Variants in FAM53A observed in about 807,000 individuals in gnomAD.
FAM53A encodes the protein protein FAM53A.
Under a neutral mutation model 26.6 loss-of-function variants are expected in FAM53A, and 28 were observed. That is an observed-to-expected ratio of 1.05 (90% CI 0.78 to 1.45). The LOEUF (loss-of-function observed/expected upper bound fraction) is 1.45, where lower values mean the gene tolerates loss of function less well. Ranked by LOEUF, FAM53A falls within the 40% of genes most tolerant of loss-of-function variation. FAM53A has a pLI of 0.00. For synonymous variants in FAM53A, 290 were observed against 253.1 expected (o/e 1.15, Z -1.38); for missense variants, 650 against 575.8 (o/e 1.13, Z -1.32).
Position 1,640,794 on chromosome 4 carries a change from A to G in FAM53A, c.*499T>C, listed in dbSNP as rs1252420030. On this transcript the variant is annotated 3_prime_UTR_variant, in exon 5 of 5. Transcript: ENST00000308132. ...TGGCAGCCATGGCCCCGACCAGCTC[A>G]CAGGAAACCTACTCTGTGCCCCGGG... 2.3e-5 allele frequency: 9 copies of G among 393,664 alleles called. No homozygotes were observed. Among genetic ancestry groups the G allele is most frequent in the Non-Finnish European group, 4.4e-5 (9 of 206,270 alleles). 24.4% of individuals were successfully genotyped at this position (393,664 alleles called of 1,614,324 possible).
At chr4:1,586,797 AAG>A in the FAM53A span, among the ~76,000 whole-genome samples, 2,703 of 150,484 alleles carry the variant, frequency 0.018, 130 homozygotes, top group African/African-American at 0.063. Flanking sequence ...AAAAAAAAAA[AAG>A]AAGAAGAAGT....
At chr4:1,604,381 G>A in the FAM53A span, among the ~76,000 whole-genome samples, 2 of 152,166 alleles carry the variant, frequency 1.3e-5, no homozygotes, top group Non-Finnish European at 2.9e-5. Flanking sequence ...TGCTGTTTGA[G>A]GGCGCAGACC....
In FAM53A at chr4:1,668,557, C is replaced by T. The variant is rs1310092507; in HGVS notation, c.75+110G>A. Reference sequence around the variant, plus strand: ...ACCCCCATCCCTGGCCCAGCAGGGCCCCCCAGGCCCCTGAGAACTTAGCCC... The same window carrying T: ...ACCCCCATCCCTGGCCCAGCAGGGCTCCCCAGGCCCCTGAGAACTTAGCCC... On this transcript the variant is annotated intron_variant, in intron 2 of 4. Coordinates refer to ENST00000308132, the MANE Select transcript of FAM53A (RefSeq NM_001174070.3). 4.0e-6 allele frequency: 5 copies of T among 1,259,474 alleles called. No individual in the cohort carries two copies. In the South Asian group the frequency reaches 6.7e-5, roughly 17 times the overall value. 78.0% of individuals were successfully genotyped at this position (1,259,474 alleles called of 1,614,324 possible).
intron 4 of FAM53A, among the ~76,000 whole-genome samples, chr4:1,646,243 G>A (rs974615033): frequency 2.6e-5 from 4 of 152,130 alleles, no homozygotes; most frequent in Non-Finnish European, 4.4e-5. Context: ...TGGGAATACA[G>A]GCGTCCGCCA....
chr4:1,623,558 G>A (rs976698636), intron 1 of FAM53A, among the ~76,000 whole-genome samples: 10 of 152,348 alleles, frequency 6.6e-5, no homozygotes, highest in Non-Finnish European at 1.2e-4. Flanking sequence ...CGGCCTGGCC[G>A]GCCCCTCCTG....
chr4:1,581,648 G>A, the FAM53A span, among the ~76,000 whole-genome samples: 1 of 152,204 alleles, frequency 6.6e-6, no homozygotes, highest in Non-Finnish European at 1.5e-5. Flanking sequence ...CCAGGCTGGA[G>A]TGCAATGGGG....
At chr4:1,604,732 GCCT>G in the FAM53A span, among the ~76,000 whole-genome samples, 1 of 151,408 alleles carries the variant, frequency 6.6e-6, no homozygotes, top group Non-Finnish European at 1.5e-5. Context: ...ACGCCCTCCC[GCCT>G]CCTCCTGCTT....
intron 4 of FAM53A, among the ~76,000 whole-genome samples, chr4:1,651,688 T>G (rs1039709795): frequency 1.4e-5 from 2 of 144,244 alleles, no homozygotes; most frequent in Non-Finnish European, 3.1e-5. Flanking sequence ...GACACCAGCC[T>G]GGGTGACCAG....
chr4:1,683,881 T>G (rs2109096444), intron 1 of FAM53A: 1 of 152,222 alleles, frequency 6.6e-6, no homozygotes. Flanking sequence ...CCGCCGCAAG[T>G]CCCCTCCTCG....
chr4:1,607,577 C>T, the FAM53A span, among the ~76,000 whole-genome samples: 168 of 151,356 alleles, frequency 1.1e-3, 3 homozygotes, highest in South Asian at 0.015. Context: ...TAAGTGAGGC[C>T]GCCCCCCCAC....
intron 4 of FAM53A, chr4:1,644,476 G>C: frequency 8.6e-7 from 1 of 1,156,716 alleles, no homozygotes; most frequent in Admixed American, 2.7e-5. Context: ...ACACGGAACT[G>C]AAGGGGCCAC....
the FAM53A span, among the ~76,000 whole-genome samples, chr4:1,609,521 G>GA: frequency 1.4e-4 from 21 of 152,120 alleles, no homozygotes; most frequent in African/African-American, 4.1e-4. Context: ...GACAACAAGT[G>GA]AGTCTCACGA....
chr4:1,598,320 G>T, the FAM53A span, among the ~76,000 whole-genome samples: 1 of 152,376 alleles, frequency 6.6e-6, no homozygotes, highest in South Asian at 2.1e-4. Flanking sequence ...AAAAACGTGG[G>T]GCCAACTCCA....
In FAM53A at chr4:1,654,855, C is replaced by T; in HGVS notation, c.882+123G>A. On this transcript the variant is annotated intron_variant, in intron 4 of 4. Transcript: ENST00000308132. The stretch of plus-strand genomic sequence containing the variant: ...AGATGGCTCTCCTCACTCCTTTCCT[C>T]CCAGCCCAGAGAAGACCAGCCGGAT... The T allele has an allele frequency of 2.2e-6, 3 of 1,346,686 alleles. No homozygotes were observed. In the South Asian group the frequency reaches 5.3e-5, roughly 24 times the overall value. 83.4% of individuals were successfully genotyped at this position (1,346,686 alleles called of 1,614,324 possible).
rs1223336807 is a variant in FAM53A, at chr4:1,659,197, C to T, written c.76-1729G>A. ...CATGAGGACAGGGCCTGGTGCGGGC[C>T]CGGGAACCACACGACCTCCAGGTTC... is the stretch of plus-strand genomic sequence containing the variant. On this transcript the variant is annotated intron_variant, in intron 2 of 4. Transcript: ENST00000308132. The surrounding 1 kb of genome is among the most constrained non-coding windows in gnomAD (Gnocchi z 5.2). Among the ~76,000 whole-genome samples, 1 of 152,198 alleles carries T rather than the reference C, an allele frequency of 6.6e-6. No homozygotes were observed. Among genetic ancestry groups the T allele is most frequent in the Non-Finnish European group, 1.5e-5 (1 of 68,030 alleles).
chr4:1,585,692 T>C, the FAM53A span, among the ~76,000 whole-genome samples: 1 of 152,142 alleles, frequency 6.6e-6, no homozygotes. Context: ...GAACATAAGG[T>C]CCTCCATGTT....
chr4:1,653,421 G>A (rs147817224), intron 4 of FAM53A, among the ~76,000 whole-genome samples: 31 of 152,254 alleles, frequency 2.0e-4, no homozygotes, highest in Non-Finnish European at 3.5e-4. Flanking sequence ...TCAATACGTC[G>A]CTGGCACCAT....
the FAM53A span, among the ~76,000 whole-genome samples, chr4:1,603,270 C>G: frequency 6.6e-6 from 1 of 152,270 alleles, no homozygotes. Context: ...CACCCAGGAG[C>G]CAAGCATCGT....
chr4:1,644,428 G>A, intron 4 of FAM53A: 1 of 1,480,140 alleles, frequency 6.8e-7, no homozygotes, highest in African/African-American at 1.4e-5. Flanking sequence ...AGACACGGCA[G>A]CTGTACAGCT....
Sources: gnomAD v4.1 joint callset for allele counts (sites outside exome capture counted in the v4.1 genomes callset) on GRCh38, gnomAD v4.1.1 for gene constraint, Gnocchi (gnomAD v3.1) non-coding constraint, MANE v1.5 for transcripts, NCBI Gene and HGNC (gene_info 2026-07-23, HGNC 2026-07-21) for gene names.